ADAM12: variants seen among roughly 807,000 people sequenced by gnomAD.
ADAM12 encodes ADAM metallopeptidase domain 12, also known as disintegrin and metalloproteinase domain-containing protein 12.
A neutral mutation model predicts 106.4 loss-of-function variants in ADAM12; 70 were observed. The observed-to-expected ratio is 0.66, with a 90% CI of 0.54 to 0.80. The LOEUF (loss-of-function observed/expected upper bound fraction) is 0.80, where lower values mean the gene tolerates loss of function less well. ADAM12 is among the 30% of genes least tolerant of loss of function. ADAM12 has a pLI of 0.00. For missense variants in ADAM12, 1,010 were observed against 1,171.9 expected (o/e 0.86, Z 2.02); for synonymous variants, 420 against 433.5 (o/e 0.97, Z 0.39).
chr10:126,373,860 T>A (rs1856193644), intron 1 of ADAM12, among the ~76,000 whole-genome samples: 1 of 152,220 alleles, frequency 6.6e-6, no homozygotes, highest in African/African-American at 2.4e-5. Context: ...AGTCATGGAA[T>A]CCCAAAGGCC....
At chr10:126,303,845 A>G (rs1469331394) in intron 2 of ADAM12, among the ~76,000 whole-genome samples, 1 of 152,156 alleles carries the variant, frequency 6.6e-6, no homozygotes, top group African/African-American at 2.4e-5. Flanking sequence ...TGGCTGGTTC[A>G]CAGAAGGGCA....
At chr10:126,199,347 T>A (rs767771010) in intron 3 of ADAM12, among the ~76,000 whole-genome samples, 2 of 152,172 alleles carry the variant, frequency 1.3e-5, no homozygotes, top group East Asian at 3.8e-4. Flanking sequence ...ATGGCCGGTG[T>A]TCATTTCAAG....
rs193233331 is a variant in ADAM12, at chr10:126,301,542, A to G, written c.187-22554T>C. Among the ~76,000 whole-genome samples, 28 of 152,082 alleles carry G rather than the reference A, an allele frequency of 1.8e-4. No homozygotes were observed. The East Asian group carries it at 4.1e-3, about 22-fold the overall frequency. ...TTAAAGGAAGAATAAGGAAAGAAGA[A>G]CCTCCACATTTCTAGGCTAAATGAG... On this transcript the variant is annotated intron_variant, in intron 2 of 22. Transcript: ENST00000448723.
chr10:126,024,376 T>C (rs1953828457), intron 21 of ADAM12, among the ~76,000 whole-genome samples: 1 of 152,182 alleles, frequency 6.6e-6, no homozygotes, highest in Non-Finnish European at 1.5e-5. Context: ...AGAATAAATG[T>C]GAGTAAATTT....
chr10:126,132,531 C>CT (rs1414379440), intron 5 of ADAM12, among the ~76,000 whole-genome samples: 1 of 140,080 alleles, frequency 7.1e-6, no homozygotes, highest in Non-Finnish European at 1.6e-5. Context: ...AACACCCCCC[C>CT]CCCCTCAACT....
chr10:126,243,805 T>C (rs1394351232), intron 3 of ADAM12, among the ~76,000 whole-genome samples: 1 of 152,158 alleles, frequency 6.6e-6, no homozygotes, highest in East Asian at 1.9e-4. Flanking sequence ...AACTAGACCA[T>C]GGCTATTTTT....
chr10:126,207,960 T>A (rs942117232), intron 3 of ADAM12, among the ~76,000 whole-genome samples: 1 of 152,238 alleles, frequency 6.6e-6, no homozygotes, highest in African/African-American at 2.4e-5. Context: ...CATATTTCAA[T>A]GATTTCTGTA....
At chr10:126,179,867 C>A (rs976979525) in intron 3 of ADAM12, among the ~76,000 whole-genome samples, 1 of 152,040 alleles carries the variant, frequency 6.6e-6, no homozygotes, top group East Asian at 1.9e-4. Flanking sequence ...AGAATAGAGA[C>A]GGGAGTGAGA....
chr10:126,160,895 C>CA (rs1956920502), intron 3 of ADAM12, among the ~76,000 whole-genome samples: 1 of 152,188 alleles, frequency 6.6e-6, no homozygotes, highest in African/African-American at 2.4e-5. Flanking sequence ...AGGGCCATTG[C>CA]ACCTGCTGTG....
intron 1 of ADAM12, among the ~76,000 whole-genome samples, chr10:126,357,122 A>G (rs1212893530): frequency 1.3e-5 from 2 of 152,232 alleles, no homozygotes; most frequent in Non-Finnish European, 2.9e-5. Context: ...AGAAGTTTCC[A>G]ATCAAATTCA....
intron 3 of ADAM12, among the ~76,000 whole-genome samples, chr10:126,221,726 C>T (rs140217537): frequency 8.6e-4 from 131 of 152,290 alleles, no homozygotes; most frequent in Middle Eastern, 6.8e-3. Flanking sequence ...GGGCAAGAAG[C>T]AGGTCTGAAA....
intron 4 of ADAM12, among the ~76,000 whole-genome samples, chr10:126,139,269 T>G (rs1956465589): frequency 6.6e-6 from 1 of 152,228 alleles, no homozygotes; most frequent in South Asian, 2.1e-4. Flanking sequence ...TTTAGATTTT[T>G]TTTTCCACGT....
chr10:126,077,010 A>T (rs1274428042), intron 11 of ADAM12, among the ~76,000 whole-genome samples: 3 of 152,238 alleles, frequency 2.0e-5, no homozygotes, highest in African/African-American at 7.2e-5. Flanking sequence ...AATGCTAAAA[A>T]TTCTGCCAAA....
At chr10:126,216,483 C>T (rs1450917160) in intron 3 of ADAM12, among the ~76,000 whole-genome samples, 1 of 152,192 alleles carries the variant, frequency 6.6e-6, no homozygotes, top group Admixed American at 6.5e-5. Flanking sequence ...AGATGTATTC[C>T]ATCAGAGCCT....
chr10:126,041,845 G>T, intron 18 of ADAM12: 3 of 1,255,874 alleles, frequency 2.4e-6, no homozygotes, highest in Non-Finnish European at 3.0e-6. Flanking sequence ...TGCAGGGCTG[G>T]GGCCTGCCAG....
intron 3 of ADAM12, among the ~76,000 whole-genome samples, chr10:126,275,071 C>T (rs1246197893): frequency 6.6e-6 from 1 of 152,184 alleles, no homozygotes; most frequent in African/African-American, 2.4e-5. Context: ...GGGCTATGGA[C>T]TTCCCATGGC....
intron 3 of ADAM12, among the ~76,000 whole-genome samples, chr10:126,155,531 C>T (rs540665202): frequency 6.6e-6 from 1 of 152,068 alleles, no homozygotes; most frequent in East Asian, 1.9e-4. Flanking sequence ...AACAATAGCC[C>T]ACACACTCAA....
rs527860766 is a variant in ADAM12, at chr10:126,122,737, G to T, written c.417-4513C>A. ...GATGTGCCACTGTACTCCAGCCTGG[G>T]TGACAGAACGAGAGTCCCTCTCAAA... On this transcript the variant is annotated intron_variant, in intron 5 of 22. Coordinates refer to ENST00000448723, the MANE Select transcript of ADAM12 (RefSeq NM_001288973.2). 1.8e-4 allele frequency among the ~76,000 whole-genome samples: 28 copies of T among 152,286 alleles called. 1 individual carries two copies. In the South Asian group the frequency reaches 5.6e-3, roughly 30 times the overall value.
chr10:126,066,989 T>A lies in ADAM12; in HGVS notation c.1324-183A>T. 1 of 584,658 alleles carries A rather than the reference T, an allele frequency of 1.7e-6. No individual in the cohort carries two copies. Among genetic ancestry groups the A allele is most frequent in the Admixed American group, 2.8e-5 (1 of 36,228 alleles). 36.2% of individuals were successfully genotyped at this position (584,658 alleles called of 1,614,324 possible). A position where few individuals can be genotyped will look rare whatever the true frequency, so the allele number is the denominator to read the frequency against. On this transcript the variant is annotated intron_variant, in intron 12 of 22. Transcript: ENST00000448723. This position sits in a 1 kb window ranked among gnomAD's most constrained non-coding sequence, Gnocchi z 5.1. The stretch of plus-strand genomic sequence containing the variant: ...AAGCTTCTGCTTTTTATGAACCAAC[T>A]GGGTCTACGAGTCCCTGGAAAAAGC...
Sources: allele counts gnomAD v4.1 joint callset (sites outside exome capture counted in the v4.1 genomes callset), GRCh38; gene constraint gnomAD v4.1.1; non-coding constraint Gnocchi (gnomAD v3.1); transcripts MANE v1.5; gene names NCBI Gene and HGNC (gene_info 2026-07-23, HGNC 2026-07-21).